Variants in D2HGDH observed in about 807,000 individuals in gnomAD.
D2HGDH encodes D-2-hydroxyglutarate dehydrogenase, mitochondrial.
A neutral mutation model predicts 46.9 loss-of-function variants in D2HGDH; 31 were observed. The ratio of observed to expected loss-of-function variants is 0.66; its 90% CI spans 0.50 to 0.89. D2HGDH has a LOEUF of 0.89. D2HGDH is among the 40% of genes least tolerant of loss of function. The probability of loss-of-function intolerance (pLI) is 0.00; values close to 1 mark genes in which losing one functional copy is unlikely to be tolerated. For missense variants in D2HGDH, 698 were observed against 720.8 expected (o/e 0.97, Z 0.36); for synonymous variants, 364 against 332.6 (o/e 1.09, Z -1.03).
intron 8 of D2HGDH, 38 bp from the exon 9 acceptor site, chr2:241,755,811 C>T: frequency 6.2e-7 from 1 of 1,610,430 alleles, no homozygotes; most frequent in Non-Finnish European, 8.5e-7. Flanking sequence ...GTGTCGTTCC[C>T]ATAGCCAGCC....
intron 2 of D2HGDH, among the ~76,000 whole-genome samples, chr2:241,739,346 G>A (rs1015063561): frequency 1.3e-5 from 2 of 152,242 alleles, no homozygotes; most frequent in East Asian, 3.8e-4. Flanking sequence ...GAGTCCTGGG[G>A]CTCCTGAGCC....
intron 7 of D2HGDH, 67 bp downstream of exon 7, chr2:241,750,361 C>T (rs533576337): frequency 7.0e-5 from 79 of 1,123,984 alleles, no homozygotes; most frequent in South Asian, 8.5e-5. Context: ...ACACATGGGA[C>T]GGCTCAGAGA....
At position 241,768,664 on chromosome 2, in the gene D2HGDH, C is replaced by T. The variant is rs191648834; in HGVS notation, c.*695C>T. Reference sequence around the variant, plus strand: ...CTCCTACAAAGAACGTGCGGTGCTGCGGGCGAGGGCCCCGGCACGGACAAG... The same window carrying T: ...CTCCTACAAAGAACGTGCGGTGCTGTGGGCGAGGGCCCCGGCACGGACAAG... On this transcript the variant is annotated 3_prime_UTR_variant, in exon 10 of 10. Transcript: ENST00000321264. 4.6e-5 allele frequency: 7 copies of T among 152,388 alleles called. No homozygotes were observed. Among genetic ancestry groups the T allele is most frequent in the South Asian group, 4.1e-4 (2 of 4,830 alleles). The allele number at this position is 152,388 out of a possible 1,614,324, so 9.4% of individuals were successfully genotyped here.
chr2:241,755,036 A>G lies in D2HGDH; in HGVS notation c.1141-813A>G, dbSNP rs112839936. 1.5e-3 allele frequency: 1,938 copies of G among 1,297,522 alleles called. 24 individuals carry two copies. In the African/African-American group the frequency reaches 0.027, roughly 18 times the overall value. The allele number at this position is 1,297,522 out of a possible 1,614,324, so 80.4% of individuals were successfully genotyped here. A position where few individuals can be genotyped will look rare whatever the true frequency, so the allele number is the denominator to read the frequency against. Reference sequence around the variant, plus strand: ...AGAGGATGGCTCTGTCCTGTTCCTCATGGTGCAGATCTCCACAATGGAAGT... The same window carrying G: ...AGAGGATGGCTCTGTCCTGTTCCTCGTGGTGCAGATCTCCACAATGGAAGT... On this transcript the variant is annotated intron_variant, in intron 8 of 9. Coordinates refer to ENST00000321264, the MANE Select transcript of D2HGDH (RefSeq NM_152783.5).
At chr2:241,754,057 G>A (rs1409465597) in intron 8 of D2HGDH, among the ~76,000 whole-genome samples, 1 of 152,258 alleles carries the variant, frequency 6.6e-6, no homozygotes, top group East Asian at 1.9e-4. Flanking sequence ...ACCCTGAGGG[G>A]CGCGTGCCTG....
At chr2:241,740,969 G>A in intron 2 of D2HGDH, 64 bp from the exon 3 acceptor site, 1 of 1,390,284 alleles carries the variant, frequency 7.2e-7, no homozygotes. Context: ...TCTGGGGCGA[G>A]TGACCACTTG....
intron 8 of D2HGDH, among the ~76,000 whole-genome samples, chr2:241,753,296 C>G (rs904669540): frequency 2.6e-5 from 4 of 152,120 alleles, no homozygotes; most frequent in African/African-American, 4.8e-5. Flanking sequence ...CTTTTCTGTG[C>G]TGTTGTCCGG....
intron 2 of D2HGDH, among the ~76,000 whole-genome samples, chr2:241,736,767 G>A (rs554803865): frequency 1.3e-5 from 2 of 151,290 alleles, no homozygotes; most frequent in Admixed American, 1.3e-4. Context: ...CCTCCTGGGT[G>A]TAAGCAATTC....
intron 9 of D2HGDH, among the ~76,000 whole-genome samples, chr2:241,761,668 G>C (rs1250913060): frequency 2.0e-5 from 3 of 152,176 alleles, no homozygotes; most frequent in Non-Finnish European, 4.4e-5. Context: ...CAGGGACACT[G>C]AGGGGCACCT....
At position 241,748,311 on chromosome 2, in the gene D2HGDH, G is replaced by A. The variant is rs186993497; in HGVS notation, c.854-1840G>A. Among the ~76,000 whole-genome samples the A allele has an allele frequency of 9.2e-5, 14 of 151,980 alleles. No individual in the cohort carries two copies. In the East Asian group the frequency reaches 2.0e-3, roughly 21 times the overall value. ...AATTTTTGTATTTTTAGTAGAGACA[G>A]GGTTTTGCCATGTTGGCCAGGCTGG... On this transcript the variant is annotated intron_variant, in intron 6 of 9. Coordinates refer to ENST00000321264, the MANE Select transcript of D2HGDH (RefSeq NM_152783.5).
intron 2 of D2HGDH, among the ~76,000 whole-genome samples, chr2:241,739,748 A>G (rs966341286): frequency 1.3e-5 from 2 of 152,276 alleles, no homozygotes; most frequent in African/African-American, 4.8e-5. Context: ...CAAGACTTAT[A>G]GCCCAGTGAA....
chr2:241,751,015 C>A (rs578181498), intron 7 of D2HGDH, among the ~76,000 whole-genome samples: 1 of 152,336 alleles, frequency 6.6e-6, no homozygotes, highest in South Asian at 2.1e-4. Flanking sequence ...ACCTCAGCCT[C>A]CCAAAGTGCT....
intron 9 of D2HGDH, among the ~76,000 whole-genome samples, chr2:241,757,455 C>T (rs1698294767): frequency 1.6e-5 from 2 of 128,256 alleles, no homozygotes; most frequent in African/African-American, 5.5e-5. Flanking sequence ...GGTACGGGAG[C>T]CCCAATATTT....
At chr2:241,752,179 G>C (rs993780286) in intron 8 of D2HGDH, among the ~76,000 whole-genome samples, 6 of 152,164 alleles carry the variant, frequency 3.9e-5, no homozygotes, top group Non-Finnish European at 4.4e-5. Context: ...TGTTGCCCTT[G>C]CCATCTTCCC....
At chr2:241,750,326 C>T (rs551272234) in intron 7 of D2HGDH, 32 bp downstream of exon 7, 7 of 1,593,978 alleles carry the variant, frequency 4.4e-6, no homozygotes, top group South Asian at 1.1e-5. Context: ...GGCAGCTGGT[C>T]CTGCAGCTCC....
At chr2:241,759,091 G>C (rs1171341199) in intron 9 of D2HGDH, among the ~76,000 whole-genome samples, 4 of 152,086 alleles carry the variant, frequency 2.6e-5, no homozygotes, top group Non-Finnish European at 5.9e-5. Context: ...GTCCTTATCA[G>C]ATCAGATTTT....
chr2:241,746,643 A>G (rs1277274279), intron 6 of D2HGDH, among the ~76,000 whole-genome samples: 1 of 152,134 alleles, frequency 6.6e-6, no homozygotes, highest in Admixed American at 6.5e-5. Context: ...TAATCCCAGC[A>G]CTTTGGGAGG....
intron 9 of D2HGDH, among the ~76,000 whole-genome samples, chr2:241,762,239 T>C (rs887494805): frequency 1.3e-5 from 2 of 151,904 alleles, no homozygotes; most frequent in African/African-American, 4.8e-5. Context: ...ACCCGGCTAA[T>C]TTTTGCATTT....
At position 241,755,970 on chromosome 2, in the gene D2HGDH, G is replaced by T. The variant is rs139611034; in HGVS notation, c.1262G>T (p.Arg421Leu). ...GACATCGTGACTGACCTGCGCGCCC[G>T]CCTCGGCCCGCACGCCAAGCACGTG... Reference protein sequence around the residue: ...LYDIVTDLRARLGPHAKHVVG... With the variant: ...LYDIVTDLRALLGPHAKHVVG... Residue 421 changes from arginine (R) to leucine (L), a missense_variant, in exon 9 of 10, where the codon CGC becomes CTC. Coordinates refer to ENST00000321264, the MANE Select transcript of D2HGDH (RefSeq NM_152783.5). The T allele has an allele frequency of 8.7e-6, 14 of 1,605,260 alleles. No individual in the cohort carries two copies. Among genetic ancestry groups the T allele is most frequent in the Non-Finnish European group, 1.2e-5 (14 of 1,173,792 alleles).
Sources: allele counts gnomAD v4.1 joint callset (sites outside exome capture counted in the v4.1 genomes callset), GRCh38; gene constraint gnomAD v4.1.1; transcripts MANE v1.5; gene names NCBI Gene and HGNC (gene_info 2026-07-23, HGNC 2026-07-21).